The following COL13A1 variants were observed in gnomAD, a reference collection of about 807,000 sequenced individuals.
COL13A1 encodes the protein collagen type XIII alpha 1 chain, also known as collagen alpha-1(XIII) chain.
Under a neutral mutation model 130.9 loss-of-function variants are expected in COL13A1, and 89 were observed. The observed-to-expected ratio is 0.68, with a 90% CI of 0.57 to 0.81. The LOEUF (loss-of-function observed/expected upper bound fraction) is 0.81. Ranked by LOEUF, COL13A1 falls within the 30% of genes least tolerant of loss-of-function variation. The pLI is 0.00. For missense variants in COL13A1, 879 were observed against 934.6 expected (o/e 0.94, Z 0.78); for synonymous variants, 402 against 341.6 (o/e 1.18, Z -1.95).
At chr10:69,914,605 G>A (rs1011602748) in intron 17 of COL13A1, among the ~76,000 whole-genome samples, 15 of 152,166 alleles carry the variant, frequency 9.9e-5, no homozygotes, top group African/African-American at 2.9e-4. Flanking sequence ...GAGGGATGAC[G>A]GGGGCCTCTG....
intron 3 of COL13A1, 113 bp downstream of exon 3, chr10:69,867,918 C>T (rs934089860): frequency 7.2e-6 from 5 of 693,766 alleles, no homozygotes; most frequent in African/African-American, 1.8e-5. Flanking sequence ...TGTTGGGGGC[C>T]TATGCAGGCT....
intron 2 of COL13A1, among the ~76,000 whole-genome samples, chr10:69,839,898 C>T (rs900800768): frequency 1.3e-5 from 2 of 152,176 alleles, no homozygotes; most frequent in African/African-American, 4.8e-5. Context: ...CAGGAAGCCA[C>T]AGGAAGGTTT....
chr10:69,919,725 A>C lies in COL13A1; in HGVS notation c.1087A>C (p.Arg363=). The C allele has an allele frequency of 2.5e-6, 1 of 398,850 alleles. No individual in the cohort carries two copies. The highest frequency in any genetic ancestry group is 4.4e-6 in the Non-Finnish European group (1 of 226,260). The allele number at this position is 398,850 out of a possible 1,614,324, so 24.7% of individuals were successfully genotyped here. The part of the protein sequence containing the change: ...PPGLLGKRGQ[R]GEKGAEGSPG... ...AGGTTTGCTGGGAAAGAGGGGGCAG[A>C]GGGTAGGATATCGTGTATTTGAGTG... The change falls in exon 21 of 41, where the codon AGG becomes CGG. Residue 363 remains arginine (R), a splice_region_variant and synonymous_variant. Transcript: ENST00000645393.
At chr10:69,872,733 G>A (rs1345965534) in intron 4 of COL13A1, among the ~76,000 whole-genome samples, 6 of 152,222 alleles carry the variant, frequency 3.9e-5, no homozygotes, top group East Asian at 1.9e-4. Flanking sequence ...TATTGAAACC[G>A]TAAGAAGAGC....
At chr10:69,836,085 C>T (rs1228563227) in intron 2 of COL13A1, among the ~76,000 whole-genome samples, 1 of 152,198 alleles carries the variant, frequency 6.6e-6, no homozygotes, top group African/African-American at 2.4e-5. Context: ...CCCCTGCCAA[C>T]CTCTAGCTAT....
chr10:69,836,739 C>T (rs2133106984), intron 2 of COL13A1, among the ~76,000 whole-genome samples: 1 of 152,314 alleles, frequency 6.6e-6, no homozygotes, highest in South Asian at 2.1e-4. Flanking sequence ...AGGCTGGCTC[C>T]TCAGCCTCAT....
Position 69,918,262 on chromosome 10 carries a change from CT to C in COL13A1, c.967-14del, listed in dbSNP as rs751866694. On this transcript the variant is annotated intron_variant, in intron 18 of 40. Transcript: ENST00000645393. ...CCCTCGCTGCAGAATGTCTTCAGAC[CT>C]TTTTTTTTCTCTCTCTGCCAGGGGG... The C allele has an allele frequency of 5.6e-5, 89 of 1,587,394 alleles. No individual in the cohort carries two copies. In the Middle Eastern group the frequency reaches 5.8e-4, roughly 10 times the overall value.
intron 3 of COL13A1, 93 bp downstream of exon 3, chr10:69,867,898 C>T: frequency 1.4e-6 from 1 of 711,748 alleles, no homozygotes; most frequent in Non-Finnish European, 2.6e-6. Context: ...AAGCTGGGCC[C>T]CTGCTGTCTT....
At chr10:69,919,197 C>A in intron 20 of COL13A1, 109 bp downstream of exon 20, 1 of 1,415,356 alleles carries the variant, frequency 7.1e-7, no homozygotes, top group Non-Finnish European at 9.9e-7. Context: ...TGGCCTGGGA[C>A]TGGGGACCTG....
intron 37 of COL13A1, 56 bp from the exon 38 acceptor site, chr10:69,947,251 T>C: frequency 1.3e-6 from 2 of 1,532,618 alleles, no homozygotes; most frequent in Non-Finnish European, 9.0e-7. Flanking sequence ...GAAAGCACTG[T>C]ACAGCTGGCC....
chr10:69,852,040 G>C (rs988805123), intron 2 of COL13A1, among the ~76,000 whole-genome samples: 2 of 152,052 alleles, frequency 1.3e-5, no homozygotes, highest in African/African-American at 4.8e-5. Context: ...ATTTTTTTCT[G>C]TTTCCCACCC....
chr10:69,855,626 A>G (rs1856208936), intron 2 of COL13A1, among the ~76,000 whole-genome samples: 1 of 152,222 alleles, frequency 6.6e-6, no homozygotes, highest in African/African-American at 2.4e-5. Flanking sequence ...TAAGTACCTT[A>G]CTAATTGTTA....
intron 2 of COL13A1, among the ~76,000 whole-genome samples, chr10:69,864,051 G>C (rs190002885): frequency 1.3e-5 from 2 of 151,950 alleles, no homozygotes; most frequent in Non-Finnish European, 2.9e-5. Flanking sequence ...CCTGGGCAAC[G>C]GAGTGAGATA....
chr10:69,912,313 G>A (rs781039557), intron 17 of COL13A1, among the ~76,000 whole-genome samples: 22 of 152,118 alleles, frequency 1.4e-4, no homozygotes, highest in Non-Finnish European at 2.9e-4. Flanking sequence ...GTAATTCCCC[G>A]GATCACTTCC....
At chr10:69,927,846 G>A (rs1157052301) in intron 27 of COL13A1, among the ~76,000 whole-genome samples, 2 of 152,202 alleles carry the variant, frequency 1.3e-5, no homozygotes, top group Non-Finnish European at 2.9e-5. Flanking sequence ...GAATCAATGA[G>A]CTTCATTTGG....
intron 2 of COL13A1, among the ~76,000 whole-genome samples, chr10:69,824,288 G>C (rs1463542335): frequency 6.6e-6 from 1 of 152,242 alleles, no homozygotes; most frequent in East Asian, 1.9e-4. Context: ...AAGATGCAGA[G>C]AAATCCTTAT....
chr10:69,815,782 C>A (rs553709545), intron 1 of COL13A1, among the ~76,000 whole-genome samples: 2 of 152,096 alleles, frequency 1.3e-5, no homozygotes, highest in Admixed American at 6.5e-5. Context: ...ATGTGCCAAG[C>A]CCTGTTTTAG....
At chr10:69,952,833 G>A (rs2136330400) in intron 38 of COL13A1, 49 bp from the exon 39 acceptor site, 2 of 1,262,834 alleles carry the variant, frequency 1.6e-6, no homozygotes, top group East Asian at 2.6e-5. Context: ...ACACATGAAT[G>A]ATCTTAAAGT....
intron 1 of COL13A1, among the ~76,000 whole-genome samples, chr10:69,817,821 C>T (rs1004804391): frequency 2.6e-5 from 4 of 152,060 alleles, no homozygotes; most frequent in Non-Finnish European, 5.9e-5. Flanking sequence ...ATTCGAGGGT[C>T]CCTGGGGCCG....
Sources: allele counts gnomAD v4.1 joint callset (sites outside exome capture counted in the v4.1 genomes callset), GRCh38; gene constraint gnomAD v4.1.1; transcripts MANE v1.5; gene names NCBI Gene and HGNC (gene_info 2026-07-23, HGNC 2026-07-21).